The following PTPRT variants were observed in gnomAD, a reference collection of about 807,000 sequenced individuals.
The protein encoded by PTPRT is protein tyrosine phosphatase receptor type T.
In PTPRT, 56 loss-of-function variants were observed where a neutral mutation model predicts 176.8. That is an observed-to-expected ratio of 0.32 (90% CI 0.26 to 0.40). The LOEUF (loss-of-function observed/expected upper bound fraction) is 0.40. Ranked by LOEUF, PTPRT falls within the 10% of genes least tolerant of loss-of-function variation. The pLI is 1.00. For missense variants in PTPRT, 1,540 were observed against 1,908.2 expected (o/e 0.81, Z 3.60); for synonymous variants, 783 against 739.0 (o/e 1.06, Z -0.96).
chr20:43,062,072 G>A (rs1436267320), intron 1 of PTPRT, among the ~76,000 whole-genome samples: 1 of 152,182 alleles, frequency 6.6e-6, no homozygotes, highest in Non-Finnish European at 1.5e-5. Flanking sequence ...TCAGGTCACT[G>A]GTTGCCTGGG....
chr20:42,281,095 C>T (rs2057131803), intron 13 of PTPRT, among the ~76,000 whole-genome samples: 1 of 152,166 alleles, frequency 6.6e-6, no homozygotes, highest in South Asian at 2.1e-4. Flanking sequence ...AGGCTGCAGA[C>T]ACCTAGCTCT....
At chr20:42,945,066 A>G (rs1231786184) in intron 1 of PTPRT, among the ~76,000 whole-genome samples, 1 of 148,654 alleles carries the variant, frequency 6.7e-6, no homozygotes, top group East Asian at 1.9e-4. Context: ...ATTTATATAT[A>G]CTATATATTA....
intron 9 of PTPRT, among the ~76,000 whole-genome samples, chr20:42,427,191 T>C (rs2059172480): frequency 6.6e-6 from 1 of 152,176 alleles, no homozygotes; most frequent in Non-Finnish European, 1.5e-5. Flanking sequence ...CCCATTCTTT[T>C]CTTTCTGTAA....
intron 7 of PTPRT, among the ~76,000 whole-genome samples, chr20:42,536,802 A>T (rs1464649340): frequency 6.6e-6 from 1 of 152,120 alleles, no homozygotes; most frequent in African/African-American, 2.4e-5. Context: ...GGAAATAGAC[A>T]CTCTTCTATC....
intron 1 of PTPRT, among the ~76,000 whole-genome samples, chr20:43,157,123 G>A (rs1221842590): frequency 2.6e-5 from 4 of 151,992 alleles, no homozygotes; most frequent in East Asian, 1.9e-4. Flanking sequence ...AGGCCAAGGC[G>A]GGAGGATCGC....
intron 1 of PTPRT, among the ~76,000 whole-genome samples, chr20:43,067,850 C>T (rs1423394242): frequency 6.9e-6 from 1 of 145,552 alleles, no homozygotes; most frequent in East Asian, 2.1e-4. Context: ...CCTGTAGACC[C>T]AGCTACTCAA....
intron 1 of PTPRT, among the ~76,000 whole-genome samples, chr20:42,988,892 T>C (rs1422740227): frequency 1.3e-5 from 2 of 152,188 alleles, no homozygotes; most frequent in South Asian, 2.1e-4. Flanking sequence ...GGAATAGTAA[T>C]AGCTACCTTG....
At chr20:42,836,427 C>T (rs2078182226) in intron 2 of PTPRT, among the ~76,000 whole-genome samples, 2 of 152,188 alleles carry the variant, frequency 1.3e-5, no homozygotes, top group Non-Finnish European at 2.9e-5. Flanking sequence ...ATTTCTATTT[C>T]CTGCAAAGCC....
chr20:43,165,908 G>A (rs1345569830), intron 1 of PTPRT, among the ~76,000 whole-genome samples: 1 of 152,176 alleles, frequency 6.6e-6, no homozygotes, highest in East Asian at 1.9e-4. Flanking sequence ...AGCTCTACGG[G>A]GCAAGGCATG....
At chr20:43,018,412 A>G (rs1985476200) in intron 1 of PTPRT, among the ~76,000 whole-genome samples, 1 of 152,266 alleles carries the variant, frequency 6.6e-6, no homozygotes, top group Non-Finnish European at 1.5e-5. Context: ...AAAACATCTA[A>G]GAAGAAATAC....
intron 15 of PTPRT, among the ~76,000 whole-genome samples, chr20:42,209,668 C>G (rs1414283452): frequency 2.6e-5 from 4 of 152,052 alleles, no homozygotes; most frequent in Non-Finnish European, 4.4e-5. Flanking sequence ...GCTTACCAAC[C>G]AAAAAGAGTC....
At chr20:42,204,585 A>G in intron 15 of PTPRT, among the ~76,000 whole-genome samples, 1 of 152,206 alleles carries the variant, frequency 6.6e-6, no homozygotes, top group East Asian at 1.9e-4. Flanking sequence ...ACTGCTTCTG[A>G]CAGGTGAGGA....
At chr20:42,628,303 C>CT (rs938456873) in intron 7 of PTPRT, among the ~76,000 whole-genome samples, 77 of 151,336 alleles carry the variant, frequency 5.1e-4, no homozygotes, top group Middle Eastern at 3.4e-3. Flanking sequence ...TTTCAACCAC[C>CT]TTTTTTTTTG....
At chr20:42,722,966 C>T (rs1444185679) in intron 6 of PTPRT, among the ~76,000 whole-genome samples, 3 of 152,154 alleles carry the variant, frequency 2.0e-5, no homozygotes, top group Non-Finnish European at 4.4e-5. Flanking sequence ...GCCTGCCAGA[C>T]TCAGATGACT....
At chr20:42,516,619 T>G (rs1426617734) in intron 7 of PTPRT, among the ~76,000 whole-genome samples, 1 of 152,190 alleles carries the variant, frequency 6.6e-6, no homozygotes, top group Admixed American at 6.5e-5. Flanking sequence ...TCTTTTTACA[T>G]ACTTAGGTGT....
At chr20:42,745,217 G>A (rs890574134) in intron 6 of PTPRT, among the ~76,000 whole-genome samples, 1 of 152,188 alleles carries the variant, frequency 6.6e-6, no homozygotes, top group Non-Finnish European at 1.5e-5. Flanking sequence ...TCACAGCCAC[G>A]TCACCAGCTC....
chr20:42,125,984 C>T lies in PTPRT; in HGVS notation c.2847+2770G>A, dbSNP rs569687802. Among the ~76,000 whole-genome samples the T allele has an allele frequency of 3.8e-3, 487 of 128,634 alleles. 1 individual carries two copies. The highest frequency in any genetic ancestry group is 0.014 in the Middle Eastern group (3 of 212). 84.4% of individuals were successfully genotyped at this position (128,634 alleles called of 152,430 possible). On this transcript the variant is annotated intron_variant, in intron 19 of 30. Coordinates refer to ENST00000373187, the MANE Select transcript of PTPRT (RefSeq NM_007050.6). ...CAACCTGCATCAATATATGCTGACT[C>T]GGTCCTTGCTGTGTGTTGGCTACAA...
At chr20:42,072,653 A>G (rs180902373), downstream of PTPRT, 208 of 181,332 alleles carry the variant, frequency 1.1e-3, no homozygotes, top group South Asian at 3.9e-3. Flanking sequence ...GTAAGGATTA[A>G]CTTAAATATA....
chr20:42,144,971 C>G (rs1988796054), intron 17 of PTPRT, among the ~76,000 whole-genome samples: 1 of 152,170 alleles, frequency 6.6e-6, no homozygotes, highest in South Asian at 2.1e-4. Context: ...ATGGTTCTAC[C>G]TTTCTTGCAT....
Sources: allele counts gnomAD v4.1 joint callset (sites outside exome capture counted in the v4.1 genomes callset), GRCh38; gene constraint gnomAD v4.1.1; transcripts MANE v1.5; gene names NCBI Gene and HGNC (gene_info 2026-07-23, HGNC 2026-07-21).